The following PLA2G12A variants were observed in gnomAD, a reference collection of about 807,000 sequenced individuals.
PLA2G12A encodes phospholipase A2 group XIIA, also known as group XIIA secretory phospholipase A2.
PLA2G12A carries 11 observed loss-of-function variants against 16.0 expected under a neutral mutation model. The observed-to-expected ratio is 0.69, with a 90% CI of 0.43 to 1.13. PLA2G12A has a LOEUF of 1.13. PLA2G12A is among the 50% of genes most tolerant of loss of function. The pLI is 0.00. For missense variants in PLA2G12A, 214 were observed against 237.3 expected (o/e 0.90, Z 0.65); for synonymous variants, 77 against 93.8 (o/e 0.82, Z 1.03).
intron 1 of PLA2G12A, among the ~76,000 whole-genome samples, chr4:109,723,020 G>A (rs900707954): frequency 5.3e-5 from 8 of 152,198 alleles, no homozygotes; most frequent in African/African-American, 9.7e-5. Context: ...TGGGCTTGGT[G>A]AGCATTCATC....
intron 1 of PLA2G12A, among the ~76,000 whole-genome samples, chr4:109,728,714 C>T (rs1722986136): frequency 6.6e-6 from 1 of 152,192 alleles, no homozygotes; most frequent in Admixed American, 6.5e-5. Flanking sequence ...CAGGTTCCAA[C>T]AATGAAGTCA....
At chr4:109,724,576 T>C (rs886248984) in intron 1 of PLA2G12A, among the ~76,000 whole-genome samples, 4 of 152,220 alleles carry the variant, frequency 2.6e-5, no homozygotes, top group Non-Finnish European at 1.5e-5. Context: ...ATGACAGTGA[T>C]ACATATATAT....
intron 1 of PLA2G12A, among the ~76,000 whole-genome samples, chr4:109,721,690 C>G (rs1317340109): frequency 6.6e-6 from 1 of 152,140 alleles, no homozygotes; most frequent in Non-Finnish European, 1.5e-5. Context: ...GAGGAAGGTC[C>G]AGTGGGCATC....
At chr4:109,720,772 T>C (rs1012331585) in intron 1 of PLA2G12A, among the ~76,000 whole-genome samples, 7 of 149,622 alleles carry the variant, frequency 4.7e-5, no homozygotes, top group Admixed American at 2.0e-4. Context: ...CACGAAGATA[T>C]AAAGCTATAG....
At chr4:109,716,276 A>G (rs1177222496) in intron 3 of PLA2G12A, among the ~76,000 whole-genome samples, 1 of 152,234 alleles carries the variant, frequency 6.6e-6, no homozygotes, top group African/African-American at 2.4e-5. Context: ...TATTTGGAGA[A>G]TACTGTATAA....
chr4:109,718,609 G>T, intron 2 of PLA2G12A, 74 bp downstream of exon 2: 1 of 1,121,758 alleles, frequency 8.9e-7, no homozygotes, highest in Non-Finnish European at 1.3e-6. Flanking sequence ...AGAACATGCT[G>T]ATAGTCTTAT....
rs1412208253 is a variant in PLA2G12A at position 109,715,879 on chromosome 4, A to G, written c.452-1384T>C. Among the ~76,000 whole-genome samples, 2 of 152,254 alleles carry G rather than the reference A, an allele frequency of 1.3e-5. 1 individual carries two copies. The highest frequency in any genetic ancestry group is 1.3e-4 in the Admixed American group (2 of 15,286). ...CCAGGTGAGATTATCTTAACATGTT[A>G]CACTTACAGAGATATAGCACAGAGT... On this transcript the variant is annotated intron_variant, in intron 3 of 3. Coordinates refer to ENST00000243501, the MANE Select transcript of PLA2G12A (RefSeq NM_030821.5).
chr4:109,729,169 A>G (rs189420007), intron 1 of PLA2G12A, among the ~76,000 whole-genome samples: 248 of 152,234 alleles, frequency 1.6e-3, no homozygotes, highest in African/African-American at 5.7e-3. Flanking sequence ...TTTAATATCA[A>G]TTATAGAGAA....
At chr4:109,714,560 AT>A in intron 3 of PLA2G12A, 65 bp from the exon 4 acceptor site, 1 of 1,023,880 alleles carries the variant, frequency 9.8e-7, no homozygotes. Context: ...TATGTTACAC[AT>A]TACAGCACAG....
Position 109,717,678 on chromosome 4 carries a change from G to C in PLA2G12A, c.321C>G (p.Cys107Trp), listed in dbSNP as rs777370194. The change falls in exon 3 of 4, where the codon TGC becomes TGG. Residue 107 changes from cysteine (C) to tryptophan (W), a missense_variant. By Grantham distance (215) the Cys-to-Trp change is radical. Coordinates refer to ENST00000243501, the MANE Select transcript of PLA2G12A (RefSeq NM_030821.5). ...NIGIPSLTKC[C>W]NQHDRCYETC... ...TCTCATAGCACCTGTCGTGTTGGTT[G>C]CAACACTTTGTCAGGGAAGGGATAC... 6.2e-6 allele frequency: 10 copies of C among 1,613,768 alleles called. No individual in the cohort carries two copies. In the Admixed American group the frequency reaches 1.5e-4, roughly 24 times the overall value.
rs968036744 is a variant in PLA2G12A, at chr4:109,730,059, C to G, written c.-250G>C. ...GCGCCCGCTCACCTGGGCCAGCAAC[C>G]GTCCCCTGTGCGCCTGCGCCGGAGC... On this transcript the variant is annotated 5_prime_UTR_variant, in exon 1 of 4. Coordinates refer to ENST00000243501, the MANE Select transcript of PLA2G12A (RefSeq NM_030821.5). The G allele has an allele frequency of 1.8e-5, 7 of 395,940 alleles. No individual in the cohort carries two copies. Among genetic ancestry groups the G allele is most frequent in the Non-Finnish European group, 2.7e-5 (6 of 223,180 alleles). 24.5% of individuals were successfully genotyped at this position (395,940 alleles called of 1,614,324 possible).
chr4:109,715,453 A>ATTTT (rs1472058431), intron 3 of PLA2G12A, among the ~76,000 whole-genome samples: 1 of 146,512 alleles, frequency 6.8e-6, no homozygotes, highest in African/African-American at 2.6e-5. Context: ...AGGTAGGTTT[A>ATTTT]TTTTATTTAT....
At chr4:109,718,652 C>G in intron 2 of PLA2G12A, 31 bp downstream of exon 2, 1 of 1,495,734 alleles carries the variant, frequency 6.7e-7, no homozygotes, top group Non-Finnish European at 9.2e-7. Context: ...TTACCAGTTA[C>G]AAAACTTATC....
In PLA2G12A at chr4:109,729,518, C is replaced by T. The variant is rs1045263986; in HGVS notation, c.208+84G>A. ...AAGGACACCGTCAAGGTCTGCCTTG[C>T]ATCTGTCACTCACACCTCCAGGATC... On this transcript the variant is annotated intron_variant, in intron 1 of 3. Coordinates refer to ENST00000243501, the MANE Select transcript of PLA2G12A (RefSeq NM_030821.5). The T allele has an allele frequency of 3.5e-6, 5 of 1,412,248 alleles. No individual in the cohort carries two copies. The African/African-American group carries it at 4.3e-5, about 12-fold the overall frequency. 87.5% of individuals were successfully genotyped at this position (1,412,248 alleles called of 1,614,324 possible). A position where few individuals can be genotyped will look rare whatever the true frequency, so the allele number is the denominator to read the frequency against.
At chr4:109,722,669 G>A (rs545879834) in intron 1 of PLA2G12A, among the ~76,000 whole-genome samples, 1 of 152,268 alleles carries the variant, frequency 6.6e-6, no homozygotes, top group East Asian at 1.9e-4. Flanking sequence ...CCAGTTTAAG[G>A]CATTTTGTTA....
chr4:109,712,200 C>T lies in PLA2G12A; in HGVS notation c.*2177G>A, dbSNP rs1359337689. ...GTAATTGCCATTGCTGGTTACTTAG[C>T]TTCTGACAAATGCTTCATGGTTAAA... is the stretch of plus-strand genomic sequence containing the variant. On this transcript the variant is annotated 3_prime_UTR_variant, in exon 4 of 4. Coordinates refer to ENST00000243501, the MANE Select transcript of PLA2G12A (RefSeq NM_030821.5). 1 of 152,172 alleles carries T rather than the reference C, an allele frequency of 6.6e-6. No homozygotes were observed. The highest frequency in any genetic ancestry group is 1.5e-5 in the Non-Finnish European group (1 of 68,038). The allele number at this position is 152,172 out of a possible 1,614,324, so 9.4% of individuals were successfully genotyped here.
intron 1 of PLA2G12A, among the ~76,000 whole-genome samples, chr4:109,725,794 G>A (rs1041786110): frequency 5.9e-5 from 9 of 152,154 alleles, no homozygotes; most frequent in African/African-American, 2.2e-4. Flanking sequence ...AGAATATGAA[G>A]CAGATGACAA....
chr4:109,720,604 A>AT (rs1305328174), intron 1 of PLA2G12A, among the ~76,000 whole-genome samples: 1 of 35,584 alleles, frequency 2.8e-5, no homozygotes. Flanking sequence ...AAAAAAAAAA[A>AT]ATATATATAT....
rs187912386 is a variant in PLA2G12A, at chr4:109,717,387, A to G, written c.451+161T>C. Among the ~76,000 whole-genome samples the G allele has an allele frequency of 3.0e-3, 450 of 152,322 alleles. 4 individuals carry two copies. The Middle Eastern group carries it at 0.031, about 10-fold the overall frequency. Reference sequence around the variant, plus strand: ...CTTCTGTGACTATAAATCATTTTAGATTATAAAATCATCAGCTCCTCACCT... The same window carrying G: ...CTTCTGTGACTATAAATCATTTTAGGTTATAAAATCATCAGCTCCTCACCT... On this transcript the variant is annotated intron_variant, in intron 3 of 3. Coordinates refer to ENST00000243501, the MANE Select transcript of PLA2G12A (RefSeq NM_030821.5).
Sources: allele counts gnomAD v4.1 joint callset (sites outside exome capture counted in the v4.1 genomes callset), GRCh38; gene constraint gnomAD v4.1.1; transcripts MANE v1.5; gene names NCBI Gene and HGNC (gene_info 2026-07-23, HGNC 2026-07-21).